GPC5: variants seen among roughly 807,000 people sequenced by gnomAD.
The protein encoded by GPC5 is glypican-5.
In GPC5, 47 loss-of-function variants were observed where a neutral mutation model predicts 53.9. That is an observed-to-expected ratio of 0.87 (90% confidence interval 0.69 to 1.11). The LOEUF is 1.11. Ranked by LOEUF, GPC5 falls within the 50% of genes most tolerant of loss-of-function variation. The probability of loss-of-function intolerance (pLI) is 0.00; values close to 1 mark genes in which losing one functional copy is unlikely to be tolerated. For missense variants in GPC5, 748 were observed against 713.1 expected (o/e 1.05, Z -0.56); for synonymous variants, 286 against 263.3 (o/e 1.09, Z -0.84).
chr13:91,988,008 C>T (rs1196997212), intron 6 of GPC5, among the ~76,000 whole-genome samples: 1 of 144,978 alleles, frequency 6.9e-6, no homozygotes, highest in Non-Finnish European at 1.5e-5. Flanking sequence ...ATATAAAATA[C>T]ATAAAAATAT....
At chr13:91,496,389 A>C (rs1884264712) in intron 2 of GPC5, among the ~76,000 whole-genome samples, 1 of 152,216 alleles carries the variant, frequency 6.6e-6, no homozygotes. Context: ...AGTGTCTATC[A>C]ACAGACGAAT....
At chr13:91,405,738 G>T (rs535112332) in intron 1 of GPC5, among the ~76,000 whole-genome samples, 1 of 152,142 alleles carries the variant, frequency 6.6e-6, no homozygotes, top group African/African-American at 2.4e-5. Context: ...CCAATGAACC[G>T]TGTGGTTGGT....
rs145161108 is a variant in GPC5, at chr13:91,412,369, C to A, written c.163+13160C>A. On this transcript the variant is annotated intron_variant, in intron 1 of 7. Coordinates refer to ENST00000377067, the MANE Select transcript of GPC5 (RefSeq NM_004466.6). ...CTTATCTTTATTTCTTGTTCACTGC[C>A]TTTCTTAAAAATAAAAGAACATGAT... Among the ~76,000 whole-genome samples the A allele has an allele frequency of 1.8e-3, 276 of 152,290 alleles. 1 individual carries two copies. The highest frequency in any genetic ancestry group is 6.5e-3 in the African/African-American group (269 of 41,570).
chr13:92,060,278 G>A (rs1286998876), intron 6 of GPC5, among the ~76,000 whole-genome samples: 1 of 151,996 alleles, frequency 6.6e-6, no homozygotes, highest in Non-Finnish European at 1.5e-5. Flanking sequence ...TGTAGTAATA[G>A]TAGATGCCTT....
intron 6 of GPC5, among the ~76,000 whole-genome samples, chr13:92,028,902 T>C (rs2040820497): frequency 6.6e-6 from 1 of 152,176 alleles, no homozygotes. Flanking sequence ...TAGAGTTATA[T>C]TCCAGGATGT....
chr13:92,101,659 G>A (rs1042555168), intron 6 of GPC5, among the ~76,000 whole-genome samples: 3 of 152,134 alleles, frequency 2.0e-5, no homozygotes, highest in Non-Finnish European at 4.4e-5. Flanking sequence ...ACTACCTCAA[G>A]TCATTTGTAG....
chr13:92,793,688 A>T (rs533387501), intron 7 of GPC5, among the ~76,000 whole-genome samples: 2 of 152,280 alleles, frequency 1.3e-5, no homozygotes, highest in Admixed American at 1.3e-4. Flanking sequence ...ACAATAAAAA[A>T]TGATAAAGGG....
chr13:92,236,135 C>T (rs935461517), intron 7 of GPC5, among the ~76,000 whole-genome samples: 1 of 151,994 alleles, frequency 6.6e-6, no homozygotes. Flanking sequence ...TTCAAATTTA[C>T]TTGAAAATGG....
chr13:92,301,363 C>T (rs1333032430), intron 7 of GPC5, among the ~76,000 whole-genome samples: 2 of 152,074 alleles, frequency 1.3e-5, no homozygotes, highest in Non-Finnish European at 2.9e-5. Flanking sequence ...TTCTAAGGGT[C>T]TCATTGAACT....
intron 7 of GPC5, among the ~76,000 whole-genome samples, chr13:92,346,430 A>G (rs2043413097): frequency 1.3e-5 from 2 of 152,214 alleles, no homozygotes; most frequent in Non-Finnish European, 2.9e-5. Flanking sequence ...CTCAGCTAGC[A>G]GCCCCACCTG....
intron 2 of GPC5, among the ~76,000 whole-genome samples, chr13:91,607,352 A>AT (rs1211553203): frequency 6.6e-6 from 1 of 152,062 alleles, no homozygotes; most frequent in Non-Finnish European, 1.5e-5. Context: ...TGATAAAATT[A>AT]TTTTTTTCCT....
chr13:92,495,581 A>G (rs1232192773), intron 7 of GPC5, among the ~76,000 whole-genome samples: 2 of 151,890 alleles, frequency 1.3e-5, no homozygotes, highest in African/African-American at 4.8e-5. Context: ...TCCATAACCC[A>G]GAAAAATGAA....
At chr13:91,416,513 G>C (rs1219905828) in intron 1 of GPC5, among the ~76,000 whole-genome samples, 2 of 150,834 alleles carry the variant, frequency 1.3e-5, no homozygotes, top group Admixed American at 1.3e-4. Flanking sequence ...CAAAGTGTAG[G>C]TTTTTTACAT....
intron 2 of GPC5, among the ~76,000 whole-genome samples, chr13:91,687,362 A>C (rs1384514221): frequency 6.6e-6 from 1 of 152,020 alleles, no homozygotes; most frequent in African/African-American, 2.4e-5. Flanking sequence ...TTGTGGGTTT[A>C]ATAAATTTTC....
chr13:92,467,655 A>G (rs1053390166), intron 7 of GPC5, among the ~76,000 whole-genome samples: 4 of 152,122 alleles, frequency 2.6e-5, no homozygotes, highest in Non-Finnish European at 5.9e-5. Flanking sequence ...CTGAATACCT[A>G]AAACTAGCAT....
chr13:91,549,743 C>T (rs1388608327), intron 2 of GPC5, among the ~76,000 whole-genome samples: 1 of 152,064 alleles, frequency 6.6e-6, no homozygotes, highest in Non-Finnish European at 1.5e-5. Flanking sequence ...AAACAGAATC[C>T]AGAACACTGA....
intron 1 of GPC5, among the ~76,000 whole-genome samples, chr13:91,410,475 C>A (rs912556567): frequency 1.5e-4 from 22 of 150,980 alleles, no homozygotes; most frequent in Admixed American, 4.0e-4. Flanking sequence ...CCTCCTGAGT[C>A]GCTGGGACCA....
At chr13:92,865,025 G>C (rs1879296899) in intron 7 of GPC5, among the ~76,000 whole-genome samples, 1 of 152,088 alleles carries the variant, frequency 6.6e-6, no homozygotes, top group African/African-American at 2.4e-5. Flanking sequence ...AGATAATTCA[G>C]TCACTTAGTC....
intron 6 of GPC5, among the ~76,000 whole-genome samples, chr13:91,926,372 A>AC (rs1435744016): frequency 6.6e-6 from 1 of 151,784 alleles, no homozygotes; most frequent in African/African-American, 2.4e-5. Context: ...AAAAAAAAAA[A>AC]AAAAAAAAAT....
Sources: gnomAD v4.1 joint callset for allele counts (sites outside exome capture counted in the v4.1 genomes callset) on GRCh38, gnomAD v4.1.1 for gene constraint, MANE v1.5 for transcripts, NCBI Gene and HGNC (gene_info 2026-07-23, HGNC 2026-07-21) for gene names.